The following RBFOX1 variants were observed in gnomAD, a reference collection of about 807,000 sequenced individuals.
RBFOX1 encodes RNA binding protein fox-1 homolog 1.
RBFOX1 carries 8 observed loss-of-function variants against 57.7 expected under a neutral mutation model. The observed-to-expected ratio is 0.14, with a 90% CI of 0.08 to 0.25. The LOEUF is 0.25. Among genes scored for constraint, RBFOX1 ranks in the 10% least tolerant of loss-of-function variants. The pLI, the probability that RBFOX1 is intolerant of heterozygous loss-of-function variation, is 1.00. For synonymous variants in RBFOX1, 326 were observed against 222.4 expected (o/e 1.47, Z -4.15); for missense variants, 611 against 548.5 (o/e 1.11, Z -1.14).
At chr16:6,628,938 G>A (rs1434969437) in intron 2 of RBFOX1, among the ~76,000 whole-genome samples, 1 of 152,188 alleles carries the variant, frequency 6.6e-6, no homozygotes, top group Non-Finnish European at 1.5e-5. Flanking sequence ...GCTGAGACAG[G>A]AGAATTGCTT....
intron 4 of RBFOX1, among the ~76,000 whole-genome samples, chr16:7,318,199 T>G (rs2096481129): frequency 6.6e-6 from 1 of 151,516 alleles, no homozygotes; most frequent in African/African-American, 2.4e-5. Context: ...GTGATGGTGT[T>G]GATAGTGGTG....
chr16:6,209,047 G>C (rs1406484476), intron 1 of RBFOX1, among the ~76,000 whole-genome samples: 1 of 151,970 alleles, frequency 6.6e-6, no homozygotes, highest in African/African-American at 2.4e-5. Flanking sequence ...GAAAATGTTT[G>C]TGTTATAAAA....
intron 2 of RBFOX1, among the ~76,000 whole-genome samples, chr16:5,594,342 C>T (rs539349987): frequency 3.9e-5 from 6 of 152,038 alleles, no homozygotes; most frequent in African/African-American, 9.7e-5. Context: ...CTGTGAGCCC[C>T]GAAAATCTGA....
intron 3 of RBFOX1, among the ~76,000 whole-genome samples, chr16:5,701,880 C>T (rs74497177): frequency 5.3e-5 from 8 of 152,298 alleles, no homozygotes; most frequent in South Asian, 2.1e-4. Flanking sequence ...GTCTTAACTT[C>T]GTAATTTATT....
chr16:6,187,834 GC>G (rs1212346727), intron 1 of RBFOX1, among the ~76,000 whole-genome samples: 2 of 152,126 alleles, frequency 1.3e-5, no homozygotes. Context: ...TTCCTCTCTG[GC>G]TCTGATACGA....
At chr16:7,217,920 G>A (rs1257392836) in intron 4 of RBFOX1, among the ~76,000 whole-genome samples, 2 of 151,576 alleles carry the variant, frequency 1.3e-5, no homozygotes, top group African/African-American at 4.8e-5. Context: ...GTGTGTGTGA[G>A]TGTAGGTGTG....
chr16:5,598,858 C>G (rs1344556497), intron 2 of RBFOX1: 1 of 1,420,064 alleles, frequency 7.0e-7, no homozygotes, highest in Non-Finnish European at 9.3e-7. Flanking sequence ...TTTCCTCAAC[C>G]CGGCTTCCCC....
intron 4 of RBFOX1, among the ~76,000 whole-genome samples, chr16:7,461,020 T>C (rs556595639): frequency 6.6e-6 from 1 of 152,208 alleles, no homozygotes; most frequent in Non-Finnish European, 1.5e-5. Flanking sequence ...GGAAGCCATG[T>C]AGTGAGTGAG....
chr16:7,433,547 G>A (rs1165308524), intron 4 of RBFOX1, among the ~76,000 whole-genome samples: 1 of 152,230 alleles, frequency 6.6e-6, no homozygotes, highest in African/African-American at 2.4e-5. Context: ...CTGCATGGAG[G>A]AGGAGGCATC....
intron 4 of RBFOX1, among the ~76,000 whole-genome samples, chr16:7,339,695 C>T (rs975472152): frequency 1.3e-5 from 2 of 152,188 alleles, no homozygotes; most frequent in Non-Finnish European, 1.5e-5. Context: ...CCACTTCAGC[C>T]TCCCAAAATG....
chr16:6,407,161 A>G (rs373731195), intron 2 of RBFOX1, among the ~76,000 whole-genome samples: 45 of 152,248 alleles, frequency 3.0e-4, no homozygotes, highest in African/African-American at 1.1e-3. Context: ...TATTATTTGT[A>G]TCTGTATCTA....
chr16:5,603,024 G>A (rs1427852787), downstream of RBFOX1, among the ~76,000 whole-genome samples: 2 of 152,134 alleles, frequency 1.3e-5, no homozygotes, highest in Admixed American at 1.3e-4. Flanking sequence ...AGACTTTTTG[G>A]TCCTTGCCTG....
chr16:6,870,848 C>T (rs534258042), intron 3 of RBFOX1, among the ~76,000 whole-genome samples: 1 of 152,208 alleles, frequency 6.6e-6, no homozygotes, highest in South Asian at 2.1e-4. Flanking sequence ...CTGAGATTTA[C>T]AGTCACTAAT....
intron 2 of RBFOX1, among the ~76,000 whole-genome samples, chr16:6,602,855 C>G (rs1185309290): frequency 6.6e-6 from 1 of 152,146 alleles, no homozygotes; most frequent in South Asian, 2.1e-4. Flanking sequence ...CCCCCACCAT[C>G]ACATGCAAAT....
At chr16:6,924,842 C>G (rs1228930666) in intron 3 of RBFOX1, among the ~76,000 whole-genome samples, 1 of 134,440 alleles carries the variant, frequency 7.4e-6, no homozygotes, top group Admixed American at 7.5e-5. Context: ...TCCCCCTCCC[C>G]CTACCCCACA....
intron 5 of RBFOX1, among the ~76,000 whole-genome samples, chr16:7,523,007 T>C (rs1054508704): frequency 2.0e-5 from 3 of 152,180 alleles, no homozygotes; most frequent in South Asian, 4.1e-4. Context: ...CCTTGCCTCA[T>C]CCCCAGGGAA....
At position 6,879,822 on chromosome 16, in the gene RBFOX1, A is replaced by G. The variant is rs533671594; in HGVS notation, c.-15-172235A>G. On this transcript the variant is annotated intron_variant, in intron 3 of 15. Transcript: ENST00000550418. ...AAGCATTTTTGATGTTCTATTTATGATGTTAAATTTACAAAGAGGTTTGAG... is the reference window on the plus strand; with the variant it reads ...AAGCATTTTTGATGTTCTATTTATGGTGTTAAATTTACAAAGAGGTTTGAG... 1.1e-4 allele frequency among the ~76,000 whole-genome samples: 16 copies of G among 152,296 alleles called. 1 individual carries two copies. In the Middle Eastern group the frequency reaches 0.01, roughly 97 times the overall value.
At chr16:6,157,478 CTT>C (rs2096846568) in intron 1 of RBFOX1, among the ~76,000 whole-genome samples, 1 of 152,144 alleles carries the variant, frequency 6.6e-6, no homozygotes, top group African/African-American at 2.4e-5. Context: ...TTTAGCTAGA[CTT>C]TCTGTATTTT....
At chr16:6,348,111 G>C (rs924386411) in intron 2 of RBFOX1, among the ~76,000 whole-genome samples, 1 of 152,158 alleles carries the variant, frequency 6.6e-6, no homozygotes, top group African/African-American at 2.4e-5. Flanking sequence ...GGAGGTTATA[G>C]CTTTATGGGT....
Sources: allele counts gnomAD v4.1 joint callset (sites outside exome capture counted in the v4.1 genomes callset), GRCh38; gene constraint gnomAD v4.1.1; transcripts MANE v1.5; gene names NCBI Gene and HGNC (gene_info 2026-07-23, HGNC 2026-07-21).